The following ATP6V1H variants were observed in gnomAD, a reference collection of about 807,000 sequenced individuals.
ATP6V1H encodes ATPase H+ transporting V1 subunit H, also known as V-type proton ATPase subunit H.
In ATP6V1H, 39 loss-of-function variants were observed where a neutral mutation model predicts 71.7. The ratio of observed to expected loss-of-function variants is 0.54; its 90% confidence interval spans 0.42 to 0.71. The LOEUF is 0.71. Ranked by LOEUF, ATP6V1H falls within the 30% of genes least tolerant of loss-of-function variation. The pLI is 0.00. For missense variants in ATP6V1H, 509 were observed against 594.9 expected (o/e 0.86, Z 1.50); for synonymous variants, 192 against 199.3 (o/e 0.96, Z 0.31).
intron 12 of ATP6V1H, among the ~76,000 whole-genome samples, chr8:53,752,520 G>C (rs1208615473): frequency 6.6e-6 from 1 of 152,178 alleles, no homozygotes; most frequent in Non-Finnish European, 1.5e-5. Flanking sequence ...TAGCAATAAA[G>C]GGTAAGAAAA....
chr8:53,795,513 T>A (rs971769478), intron 9 of ATP6V1H, 134 bp downstream of exon 9: 20 of 771,596 alleles, frequency 2.6e-5, no homozygotes, highest in Middle Eastern at 3.9e-4. Context: ...GATATTTTAC[T>A]CTATATTCAC....
chr8:53,776,369 G>A (rs530407054), intron 9 of ATP6V1H, among the ~76,000 whole-genome samples: 1 of 152,348 alleles, frequency 6.6e-6, no homozygotes, highest in South Asian at 2.1e-4. Context: ...GGGCTGAAGG[G>A]CTCCTCAAGT....
In ATP6V1H at chr8:53,801,915, TGA is replaced by T. The variant is rs1563473229; in HGVS notation, c.580-21_580-20del. 6.2e-7 allele frequency: 1 copy of T among 1,606,264 alleles called. No individual in the cohort carries two copies. Reference sequence around the variant, plus strand: ...GCGAACTCTGCACAAGAAGAAGTGTTGAGTTTTTAAATGGGAAGCATTTAAAG... The same window carrying T: ...GCGAACTCTGCACAAGAAGAAGTGTTGTTTTTAAATGGGAAGCATTTAAAG... On this transcript the variant is annotated intron_variant, in intron 7 of 13. Transcript: ENST00000359530.
At chr8:53,761,088 G>A (rs904760488) in intron 11 of ATP6V1H, among the ~76,000 whole-genome samples, 1 of 152,142 alleles carries the variant, frequency 6.6e-6, no homozygotes, top group African/African-American at 2.4e-5. Flanking sequence ...TGTAATCCCA[G>A]CACTTTGGGA....
At chr8:53,786,893 TC>T (rs1809405408) in intron 9 of ATP6V1H, among the ~76,000 whole-genome samples, 1 of 152,238 alleles carries the variant, frequency 6.6e-6, no homozygotes, top group East Asian at 1.9e-4. Flanking sequence ...AAGCAGTGTT[TC>T]GAAAACCATC....
chr8:53,792,577 T>C (rs1453357199), intron 9 of ATP6V1H, among the ~76,000 whole-genome samples: 1 of 152,080 alleles, frequency 6.6e-6, no homozygotes, highest in Non-Finnish European at 1.5e-5. Context: ...TTAATGCCAG[T>C]CTTAAGGTTC....
chr8:53,827,461 A>G, intron 4 of ATP6V1H, among the ~76,000 whole-genome samples: 1 of 152,190 alleles, frequency 6.6e-6, no homozygotes, highest in Admixed American at 6.5e-5. Flanking sequence ...TACAACAGAA[A>G]CAAATGACTC....
chr8:53,819,576 ATATATAT>A (rs1810569349), intron 4 of ATP6V1H, among the ~76,000 whole-genome samples: 5 of 129,938 alleles, frequency 3.8e-5, no homozygotes, highest in African/African-American at 1.4e-4. Context: ...ATATATATAT[ATATATAT>A]ATAAAATACA....
intron 12 of ATP6V1H, among the ~76,000 whole-genome samples, chr8:53,755,013 C>T (rs933786305): frequency 2.0e-5 from 3 of 152,286 alleles, no homozygotes; most frequent in African/African-American, 7.2e-5. Flanking sequence ...ATTATCTCTT[C>T]TGTTCCCAAT....
At chr8:53,760,085 C>A (rs750297369) in intron 11 of ATP6V1H, among the ~76,000 whole-genome samples, 9 of 152,188 alleles carry the variant, frequency 5.9e-5, no homozygotes, top group Non-Finnish European at 1.3e-4. Flanking sequence ...TAAGCTGCCA[C>A]TCTAAGATAA....
chr8:53,733,535 CA>C (rs1585726835), intron 13 of ATP6V1H, among the ~76,000 whole-genome samples: 1 of 152,090 alleles, frequency 6.6e-6, no homozygotes, highest in South Asian at 2.1e-4. Context: ...ATAAGGTGTC[CA>C]AAAAGAAAGC....
At chr8:53,829,420 G>T (rs1810924265) in intron 4 of ATP6V1H, 24 bp downstream of exon 4, 1 of 1,521,862 alleles carries the variant, frequency 6.6e-7, no homozygotes, top group Non-Finnish European at 9.1e-7. Context: ...GTCACCAAAT[G>T]TGTTAAGTAA....
chr8:53,746,017 T>C (rs1433666044), intron 12 of ATP6V1H, among the ~76,000 whole-genome samples: 3 of 152,218 alleles, frequency 2.0e-5, no homozygotes, highest in Non-Finnish European at 4.4e-5. Context: ...AACTGCCATG[T>C]TGTGAGCAAA....
At chr8:53,731,139 G>T (rs537810631) in intron 13 of ATP6V1H, among the ~76,000 whole-genome samples, 1 of 152,148 alleles carries the variant, frequency 6.6e-6, no homozygotes, top group African/African-American at 2.4e-5. Context: ...GGCTCACAGG[G>T]TGCCTTTGCC....
chr8:53,832,596 A>C (rs1439913392), intron 3 of ATP6V1H: 1 of 153,528 alleles, frequency 6.5e-6, no homozygotes, highest in Non-Finnish European at 1.4e-5. Flanking sequence ...ATACTTAATA[A>C]ATCAACAGGA....
At chr8:53,832,930 C>A in intron 3 of ATP6V1H, 54 bp downstream of exon 3, 1 of 1,261,278 alleles carries the variant, frequency 7.9e-7, no homozygotes, top group Non-Finnish European at 1.1e-6. Context: ...TAAGATTTTT[C>A]TAAACTTTTG....
intron 13 of ATP6V1H, among the ~76,000 whole-genome samples, chr8:53,735,324 C>T (rs975573902): frequency 6.6e-6 from 1 of 152,150 alleles, no homozygotes; most frequent in Non-Finnish European, 1.5e-5. Context: ...CCTTACGAAT[C>T]GCCTCAGATA....
At chr8:53,729,762 G>A (rs1173617892) in intron 13 of ATP6V1H, among the ~76,000 whole-genome samples, 2 of 152,170 alleles carry the variant, frequency 1.3e-5, no homozygotes, top group East Asian at 1.9e-4. Flanking sequence ...GAACTGCCCC[G>A]CAGACAGGGC....
intron 8 of ATP6V1H, among the ~76,000 whole-genome samples, chr8:53,797,998 A>G (rs1304543023): frequency 6.6e-6 from 1 of 152,218 alleles, no homozygotes; most frequent in Non-Finnish European, 1.5e-5. Context: ...TTTGGGCAGT[A>G]GAGGCAATTA....
Sources: gnomAD v4.1 joint callset for allele counts (sites outside exome capture counted in the v4.1 genomes callset) on GRCh38, gnomAD v4.1.1 for gene constraint, MANE v1.5 for transcripts, NCBI Gene and HGNC (gene_info 2026-07-23, HGNC 2026-07-21) for gene names.